The following ZC3H14 variants were observed in gnomAD, a reference collection of about 807,000 sequenced individuals.
The protein encoded by ZC3H14 is zinc finger CCCH domain-containing protein 14.
A neutral mutation model predicts 92.4 loss-of-function variants in ZC3H14; 31 were observed. The observed-to-expected ratio is 0.34, with a 90% confidence interval of 0.25 to 0.45. The LOEUF is 0.45. Among genes scored for constraint, ZC3H14 ranks in the 20% least tolerant of loss-of-function variants. The probability of loss-of-function intolerance (pLI) is 1.00; values close to 1 mark genes in which losing one functional copy is unlikely to be tolerated. For missense variants in ZC3H14, 781 were observed against 897.3 expected, an observed-to-expected ratio of 0.87 and a Z score of 1.66; for synonymous variants, 321 against 300.9, an observed-to-expected ratio of 1.07 and a Z score of -0.69.
chr14:88,572,486 T>C, intron 5 of ZC3H14, 92 bp from the exon 6 acceptor site: 1 of 1,513,036 alleles, frequency 6.6e-7, no homozygotes, highest in Non-Finnish European at 9.1e-7. Context: ...CCTCAGTTTT[T>C]TCATTGAAAT....
intron 2 of ZC3H14, among the ~76,000 whole-genome samples, chr14:88,566,834 C>G (rs374420432): frequency 6.6e-6 from 1 of 151,370 alleles, no homozygotes; most frequent in African/African-American, 2.4e-5. Flanking sequence ...GCAGGAGAAT[C>G]GCTTGAACCC....
chr14:88,627,091 G>A lies in ZC3H14; in HGVS notation c.*15340G>A. On this transcript the variant is annotated 3_prime_UTR_variant, in exon 17 of 17. Coordinates refer to ENST00000251038, the MANE Select transcript of ZC3H14 (RefSeq NM_024824.5). ...TTATCTAGGTTATTACAAGAACCAAGCTAATCAACAGCATCAAACAAATAT... is the reference window on the plus strand; with the variant it reads ...TTATCTAGGTTATTACAAGAACCAAACTAATCAACAGCATCAAACAAATAT... The A allele has an allele frequency of 6.3e-7, 1 of 1,586,304 alleles. No individual in the cohort carries two copies. The highest frequency in any genetic ancestry group is 8.6e-7 in the Non-Finnish European group (1 of 1,157,626).
Position 88,620,659 on chromosome 14 carries a change from G to T in ZC3H14, c.*8908G>T. 2 of 1,023,344 alleles carry T rather than the reference G, an allele frequency of 2.0e-6. No individual in the cohort carries two copies. Among genetic ancestry groups the T allele is most frequent in the South Asian group, 2.4e-5 (1 of 42,492 alleles). The allele number at this position is 1,023,344 out of a possible 1,614,324, so 63.4% of individuals were successfully genotyped here. On this transcript the variant is annotated 3_prime_UTR_variant, in exon 17 of 17. Coordinates refer to ENST00000251038, the MANE Select transcript of ZC3H14 (RefSeq NM_024824.5). The surrounding 1 kb of genome is among the most constrained non-coding windows in gnomAD (Gnocchi z 4.3). ...TAATACGGGAAATGCTACAGGCCCT[G>T]GGGACCTCTTTTTGAAGGCAAGGCT...
intron 9 of ZC3H14, among the ~76,000 whole-genome samples, chr14:88,583,898 T>G (rs1434109957): frequency 6.6e-6 from 1 of 152,190 alleles, no homozygotes; most frequent in East Asian, 1.9e-4. Context: ...TGAGAAAGGG[T>G]GTTGAAATTG....
chr14:88,603,042 A>T lies in ZC3H14; in HGVS notation c.1729A>T (p.Asn577Tyr). ...HLLSRQLEDPNGSFSNAEMSE... is the reference protein window; with the variant it reads ...HLLSRQLEDPYGSFSNAEMSE... ...GCTGAGCAGGCAGCTTGAGGACCCAAATGGTAGCTTTTCTAACGGTGTGTT... is the reference window on the plus strand; with the variant it reads ...GCTGAGCAGGCAGCTTGAGGACCCATATGGTAGCTTTTCTAACGGTGTGTT... The change falls in exon 12 of 17, where the codon AAT (asparagine) becomes TAT (tyrosine). Residue 577 changes from asparagine to tyrosine, a missense_variant. Asn to Tyr is a moderately radical substitution (Grantham distance 143). Around this residue, in one of 3 missense-constraint regions of ZC3H14, gnomAD observed 221 missense variants for 304.7 expected, o/e 0.73. Coordinates refer to ENST00000251038, the MANE Select transcript of ZC3H14 (RefSeq NM_024824.5). The T allele has an allele frequency of 6.2e-7, 1 of 1,614,174 alleles. No homozygotes were observed. Among genetic ancestry groups the T allele is most frequent in the Non-Finnish European group, 8.5e-7 (1 of 1,180,014 alleles).
At chr14:88,570,721 A>T (rs1276237539) in intron 3 of ZC3H14, among the ~76,000 whole-genome samples, 1 of 152,248 alleles carries the variant, frequency 6.6e-6, no homozygotes, top group South Asian at 2.1e-4. Flanking sequence ...GAAGAAAAAA[A>T]TACAATTTTT....
At position 88,616,615 on chromosome 14, in the gene ZC3H14, G is replaced by T; in HGVS notation, c.*4864G>T. On this transcript the variant is annotated 3_prime_UTR_variant, in exon 17 of 17. Transcript: ENST00000251038. ...AGTAAATAGATTTAGAAAGTTTGGGGAAAAATTTAGAAATTAGGACAAAAC... is the reference window on the plus strand; with the variant it reads ...AGTAAATAGATTTAGAAAGTTTGGGTAAAAATTTAGAAATTAGGACAAAAC... 8.7e-7 allele frequency: 1 copy of T among 1,149,528 alleles called. No homozygotes were observed. Among genetic ancestry groups the T allele is most frequent in the Non-Finnish European group, 1.2e-6 (1 of 837,772 alleles). 71.2% of individuals were successfully genotyped at this position (1,149,528 alleles called of 1,614,324 possible). A position where few individuals can be genotyped will look rare whatever the true frequency, so the allele number is the denominator to read the frequency against.
chr14:88,594,285 TA>T, intron 9 of ZC3H14: 1 of 430,520 alleles, frequency 2.3e-6, no homozygotes, highest in South Asian at 8.8e-5. Flanking sequence ...GCTTAACCTA[TA>T]AAGTAGCGCT....
intron 6 of ZC3H14, among the ~76,000 whole-genome samples, chr14:88,573,336 T>C (rs977886080): frequency 2.6e-5 from 4 of 151,976 alleles, no homozygotes; most frequent in African/African-American, 9.7e-5. Flanking sequence ...GCCAAGATCG[T>C]GCCACTGCAC....
At chr14:88,601,727 C>T (rs4904460) in intron 10 of ZC3H14, among the ~76,000 whole-genome samples, 197 bp from the exon 11 acceptor site, 53,836 of 152,042 alleles carry the variant, frequency 0.35, 11,261 homozygotes, top group Middle Eastern at 0.49. Context: ...GTGCCCTACG[C>T]GAGAAGGACT....
intron 10 of ZC3H14, among the ~76,000 whole-genome samples, chr14:88,598,835 C>T (rs1049107047): frequency 1.3e-5 from 2 of 152,200 alleles, no homozygotes; most frequent in African/African-American, 4.8e-5. Context: ...GCCCATAATC[C>T]CAGCACTTGG....
intron 6 of ZC3H14, 138 bp downstream of exon 6, chr14:88,573,145 C>T: frequency 1.0e-6 from 1 of 963,524 alleles, no homozygotes; most frequent in South Asian, 1.4e-5. Flanking sequence ...CTTTGGGAGG[C>T]CGAGGCGGGT....
chr14:88,605,749 G>T (rs1387926375), intron 12 of ZC3H14, among the ~76,000 whole-genome samples: 1 of 152,194 alleles, frequency 6.6e-6, no homozygotes, highest in Admixed American at 6.5e-5. Flanking sequence ...GACTACATTT[G>T]TGTGCCTTGT....
At position 88,625,037 on chromosome 14, in the gene ZC3H14, C is replaced by T. The variant is rs909991021; in HGVS notation, c.*13286C>T. The T allele has an allele frequency of 1.2e-6, 2 of 1,612,986 alleles. No individual in the cohort carries two copies. The highest frequency in any genetic ancestry group is 2.2e-5 in the East Asian group (1 of 44,790). On this transcript the variant is annotated 3_prime_UTR_variant, in exon 17 of 17. Transcript: ENST00000251038. ...GTGGTGTACATGGCAAACACAGGCC[C>T]GTTGTGAGCTCTCGCCACGATTCTA...
chr14:88,616,336 G>T lies in ZC3H14; in HGVS notation c.*4585G>T. ...CTATAATCTCTATGACAAGAGCTGT[G>T]GAGAGAGTAGGGAGTTAGCACCGCA... On this transcript the variant is annotated 3_prime_UTR_variant, in exon 17 of 17. Transcript: ENST00000251038. The T allele has an allele frequency of 8.2e-7, 1 of 1,226,142 alleles. No homozygotes were observed. Among genetic ancestry groups the T allele is most frequent in the Non-Finnish European group, 1.2e-6 (1 of 835,714 alleles). The allele number at this position is 1,226,142 out of a possible 1,614,324, so 76.0% of individuals were successfully genotyped here.
At chr14:88,567,517 T>C (rs2079857964) in intron 2 of ZC3H14, among the ~76,000 whole-genome samples, 1 of 152,044 alleles carries the variant, frequency 6.6e-6, no homozygotes, top group Non-Finnish European at 1.5e-5. Context: ...CATTATTTAA[T>C]GTTAAAATTG....
chr14:88,570,026 G>A (rs556458189), intron 3 of ZC3H14, among the ~76,000 whole-genome samples: 34 of 152,066 alleles, frequency 2.2e-4, no homozygotes, highest in East Asian at 7.7e-4. Flanking sequence ...TTTCTAAAGC[G>A]ACCGAGTAGA....
intron 6 of ZC3H14, 94 bp from the exon 7 acceptor site, chr14:88,574,599 T>G: frequency 7.0e-7 from 1 of 1,436,194 alleles, no homozygotes; most frequent in East Asian, 2.3e-5. Context: ...CTCATATTAC[T>G]GTGTACTGTT....
In ZC3H14 at chr14:88,620,840, T is replaced by G; in HGVS notation, c.*9089T>G. 6.3e-7 allele frequency: 1 copy of G among 1,599,578 alleles called. No homozygotes were observed. The highest frequency in any genetic ancestry group is 8.5e-7 in the Non-Finnish European group (1 of 1,172,268). ...CTAGTAAAATGATAAATTCTCCATT[T>G]TTCATTCCAATAGCCACCATGTCCC... On this transcript the variant is annotated 3_prime_UTR_variant, in exon 17 of 17. Coordinates refer to ENST00000251038, the MANE Select transcript of ZC3H14 (RefSeq NM_024824.5). This position sits in a 1 kb window ranked among gnomAD's most constrained non-coding sequence, Gnocchi z 4.3.
Sources: gnomAD v4.1 joint callset for allele counts (sites outside exome capture counted in the v4.1 genomes callset) on GRCh38, gnomAD v4.1.1 for gene constraint, gnomAD v4.1.1 regional missense constraint, Gnocchi (gnomAD v3.1) non-coding constraint, MANE v1.5 for transcripts, NCBI Gene and HGNC (gene_info 2026-07-23, HGNC 2026-07-21) for gene names.